RHOA: variants seen among roughly 807,000 people sequenced by gnomAD.
RHOA encodes ras homolog family member A, also known as transforming protein RhoA.
In RHOA, 3 loss-of-function variants were observed where a neutral mutation model predicts 17.5. That is an observed-to-expected ratio of 0.17 (90% CI 0.08 to 0.44). The LOEUF is 0.44. Among genes scored for constraint, RHOA ranks in the 20% least tolerant of loss-of-function variants. The pLI is 0.99. For missense variants in RHOA, 56 were observed against 242.3 expected, an observed-to-expected ratio of 0.23 and a Z score of 5.10; for synonymous variants, 98 against 88.4, an observed-to-expected ratio of 1.11 and a Z score of -0.61.
chr3:49,375,388 T>C, intron 2 of RHOA, 46 bp downstream of exon 2: 3 of 1,561,028 alleles, frequency 1.9e-6, no homozygotes, highest in Non-Finnish European at 2.6e-6. Flanking sequence ...TCCATAAATA[T>C]TCTAACATGG....
chr3:49,411,684 T>TCAGGGGC (rs963366212), intron 1 of RHOA, 136 bp downstream of exon 1: 1 of 151,600 alleles, frequency 6.6e-6, no homozygotes, highest in Non-Finnish European at 1.5e-5. Context: ...AGGTCAAGGG[T>TCAGGGGC]CAGGGGCCAG....
intron 1 of RHOA, among the ~76,000 whole-genome samples, chr3:49,387,145 A>C (rs1205259894): frequency 1.5e-5 from 2 of 129,266 alleles, no homozygotes; most frequent in South Asian, 2.4e-4. Context: ...AAAAAAAAAA[A>C]AAAAAAAAAA....
chr3:49,375,683 A>C (rs1301005822), intron 1 of RHOA, 92 bp from the exon 2 acceptor site: 1 of 1,338,614 alleles, frequency 7.5e-7, no homozygotes, highest in Non-Finnish European at 1.0e-6. Context: ...ATGGGGCATA[A>C]ACCTCTATTA....
chr3:49,388,491 G>C (rs1242018856), intron 1 of RHOA, among the ~76,000 whole-genome samples: 1 of 152,214 alleles, frequency 6.6e-6, no homozygotes, highest in Non-Finnish European at 1.5e-5. Flanking sequence ...TCTGGGTGCT[G>C]AGTGTGGGAG....
intron 2 of RHOA, among the ~76,000 whole-genome samples, chr3:49,370,825 C>T (rs184381911): frequency 6.6e-6 from 1 of 152,260 alleles, no homozygotes; most frequent in East Asian, 1.9e-4. Context: ...GGTCTCCCTC[C>T]AATACTTGGA....
Position 49,382,799 on chromosome 3 carries a change from G to A in RHOA, c.-2-7208C>T, listed in dbSNP as rs551264985. 5.9e-5 allele frequency among the ~76,000 whole-genome samples: 9 copies of A among 152,288 alleles called. No individual in the cohort carries two copies. In the East Asian group the frequency reaches 1.5e-3, roughly 26 times the overall value. ...TTTGGCCGAGTGTGCTGGGGTTCAT[G>A]CCTGCAATCCCAGTACTTTGAGAGG... is the stretch of plus-strand genomic sequence containing the variant. On this transcript the variant is annotated intron_variant, in intron 1 of 4. Transcript: ENST00000418115.
rs564804197 is a variant in RHOA at position 49,405,695 on chromosome 3, T to A, written c.-3+6125A>T. ...CTGCCTTTTCTTTCCTTCTTTTTTTTGTGTGTATGTTTGAGACGGAGTTTC... is the reference window on the plus strand; with the variant it reads ...CTGCCTTTTCTTTCCTTCTTTTTTTAGTGTGTATGTTTGAGACGGAGTTTC... On this transcript the variant is annotated intron_variant, in intron 1 of 4. Coordinates refer to ENST00000418115, the MANE Select transcript of RHOA (RefSeq NM_001664.4). Among the ~76,000 whole-genome samples, 144 of 152,272 alleles carry A rather than the reference T, an allele frequency of 9.5e-4. 1 individual carries two copies. The highest frequency in any genetic ancestry group is 3.2e-3 in the African/African-American group (132 of 41,554).
chr3:49,381,543 C>G (rs1025830812), intron 1 of RHOA, among the ~76,000 whole-genome samples: 1 of 151,664 alleles, frequency 6.6e-6, no homozygotes, highest in African/African-American at 2.4e-5. Flanking sequence ...CCACTGCACT[C>G]CAGCCTGGGC....
chr3:49,360,524 A>G, intron 4 of RHOA, 142 bp from the exon 5 acceptor site: 1 of 810,952 alleles, frequency 1.2e-6, no homozygotes, highest in Non-Finnish European at 1.9e-6. Context: ...CTGGAGGGCA[A>G]TGGCATGATC....
chr3:49,384,653 C>A (rs930001362), intron 1 of RHOA, among the ~76,000 whole-genome samples: 2 of 152,032 alleles, frequency 1.3e-5, no homozygotes, highest in Admixed American at 1.3e-4. Flanking sequence ...AGTACAGGCA[C>A]ACACACCACG....
intron 3 of RHOA, among the ~76,000 whole-genome samples, chr3:49,363,138 G>A (rs2047997898): frequency 6.6e-6 from 1 of 152,204 alleles, no homozygotes; most frequent in Non-Finnish European, 1.5e-5. Context: ...GTGACTTTTG[G>A]CCGGGAGCGG....
chr3:49,408,114 G>A (rs947072471), intron 1 of RHOA, among the ~76,000 whole-genome samples: 4 of 151,534 alleles, frequency 2.6e-5, no homozygotes, highest in Admixed American at 2.0e-4. Flanking sequence ...AGCCGAGATG[G>A]CGCTACTGCA....
Position 49,360,470 on chromosome 3 carries a change from T to G in RHOA, c.409-88A>C. 6 of 1,402,668 alleles carry G rather than the reference T, an allele frequency of 4.3e-6. No homozygotes were observed. The Middle Eastern group carries it at 8.3e-4, about 193-fold the overall frequency. 86.9% of individuals were successfully genotyped at this position (1,402,668 alleles called of 1,614,324 possible). On this transcript the variant is annotated intron_variant, in intron 4 of 4. Coordinates refer to ENST00000418115, the MANE Select transcript of RHOA (RefSeq NM_001664.4). ...AGTATTCAAATTCATCTAAAAGATT[T>G]TTTTTTCTTTTTTTGAGACAGTTTT...
At chr3:49,367,817 A>T (rs968911172) in intron 3 of RHOA, among the ~76,000 whole-genome samples, 1 of 151,836 alleles carries the variant, frequency 6.6e-6, no homozygotes, top group Non-Finnish European at 1.5e-5. Flanking sequence ...CCGCCGCACC[A>T]GCCTTAGTTT....
intron 1 of RHOA, among the ~76,000 whole-genome samples, chr3:49,392,723 G>A (rs1319902313): frequency 6.6e-6 from 1 of 152,114 alleles, no homozygotes; most frequent in African/African-American, 2.4e-5. Flanking sequence ...ATGTGGCTGG[G>A]AGCTATGGTA....
intron 3 of RHOA, among the ~76,000 whole-genome samples, chr3:49,362,952 A>C (rs2047994436): frequency 6.6e-6 from 1 of 152,178 alleles, no homozygotes; most frequent in African/African-American, 2.4e-5. Flanking sequence ...AAAGGCAGGC[A>C]CTTTACAGGA....
At chr3:49,370,998 C>G (rs1233417229) in intron 2 of RHOA, among the ~76,000 whole-genome samples, 2 of 152,168 alleles carry the variant, frequency 1.3e-5, no homozygotes, top group East Asian at 3.8e-4. Flanking sequence ...AACCATCATT[C>G]TGGCATGTGT....
At chr3:49,400,427 C>G (rs1480883127) in intron 1 of RHOA, among the ~76,000 whole-genome samples, 1 of 152,086 alleles carries the variant, frequency 6.6e-6, no homozygotes, top group Non-Finnish European at 1.5e-5. Context: ...GAGTTACACC[C>G]TCACCACCAG....
At chr3:49,384,190 G>A (rs779916591) in intron 1 of RHOA, among the ~76,000 whole-genome samples, 7 of 152,140 alleles carry the variant, frequency 4.6e-5, no homozygotes, top group African/African-American at 1.4e-4. Context: ...CTGGGAGTGC[G>A]GCAATACACA....
Sources: gnomAD v4.1 joint callset for allele counts (sites outside exome capture counted in the v4.1 genomes callset) on GRCh38, gnomAD v4.1.1 for gene constraint, MANE v1.5 for transcripts, NCBI Gene and HGNC (gene_info 2026-07-23, HGNC 2026-07-21) for gene names.